ZNF532: variants seen among roughly 807,000 people sequenced by gnomAD.
ZNF532 encodes zinc finger protein 532.
In ZNF532, 22 loss-of-function variants were observed where a neutral mutation model predicts 89.3. The ratio of observed to expected loss-of-function variants is 0.25; its 90% CI spans 0.18 to 0.35. The LOEUF (loss-of-function observed/expected upper bound fraction) is 0.35, where lower values mean the gene tolerates loss of function less well. ZNF532 is among the 10% of genes least tolerant of loss of function. ZNF532 has a pLI of 1.00. For synonymous variants in ZNF532, 606 were observed against 649.6 expected (o/e 0.93, Z 1.02); for missense variants, 1,132 against 1,643.4 (o/e 0.69, Z 5.38).
In ZNF532 at chr18:58,920,622, AC is replaced by A; in HGVS notation, c.2336del (p.Thr779ArgfsTer79). On this transcript the variant is annotated frameshift_variant, in exon 3 of 10. Coordinates refer to ENST00000591808, the MANE Select transcript of ZNF532 (RefSeq NM_001375912.1). LOFTEE classifies it high-confidence loss of function. ...TACACATTTCCAGCAGGCTGCAGAT[AC>A]GAGTGGACAAGTAGAGTATCATTTA... ...LATHFQQAAD[T>X]SGQKTCTICQ... 1 of 1,586,050 alleles carries A rather than the reference AC, an allele frequency of 6.3e-7. No homozygotes were observed. The highest frequency in any genetic ancestry group is 8.6e-7 in the Non-Finnish European group (1 of 1,162,972).
chr18:58,941,456 T>TTC lies in ZNF532; in HGVS notation c.2705+1847_2705+1848dup, dbSNP rs1296122413. Among the ~76,000 whole-genome samples, 712 of 148,092 alleles carry TTC rather than the reference T, an allele frequency of 4.8e-3. 11 individuals carry two copies. The highest frequency in any genetic ancestry group is 0.016 in the African/African-American group (656 of 40,134). On this transcript the variant is annotated intron_variant, in intron 5 of 9. Coordinates refer to ENST00000591808, the MANE Select transcript of ZNF532 (RefSeq NM_001375912.1). ...AAAACAATTATTCCAGTGGTTTCTT[T>TTC]TCTCTCTCTCTCTTTTTTTTTTTTT...
intron 7 of ZNF532, among the ~76,000 whole-genome samples, chr18:58,971,818 T>C (rs1376526306): frequency 2.6e-5 from 4 of 152,248 alleles, no homozygotes; most frequent in Admixed American, 1.3e-4. Context: ...TTTGTGTCTG[T>C]AGTTACTAAG....
intron 7 of ZNF532, among the ~76,000 whole-genome samples, chr18:58,974,700 C>T (rs1251536909): frequency 6.6e-6 from 1 of 152,144 alleles, no homozygotes; most frequent in Non-Finnish European, 1.5e-5. Context: ...TCACCAGGGC[C>T]TCCCTCTCAA....
intron 7 of ZNF532, among the ~76,000 whole-genome samples, chr18:58,975,555 C>G (rs1448798918): frequency 6.6e-6 from 1 of 152,198 alleles, no homozygotes; most frequent in African/African-American, 2.4e-5. Context: ...CCTGCCAAGG[C>G]CGTACCATCC....
intron 2 of ZNF532, among the ~76,000 whole-genome samples, chr18:58,903,749 G>A (rs1173251948): frequency 6.6e-6 from 1 of 152,104 alleles, no homozygotes; most frequent in African/African-American, 2.4e-5. Flanking sequence ...GTACATACCC[G>A]CAAGGCACTT....
At chr18:58,921,170 A>G (rs556785060) in intron 3 of ZNF532, among the ~76,000 whole-genome samples, 41 of 151,990 alleles carry the variant, frequency 2.7e-4, no homozygotes, top group African/African-American at 9.2e-4. Flanking sequence ...AGGATAATAT[A>G]TATATACTAG....
In ZNF532 at chr18:58,919,217, C is replaced by T. The variant is rs775212097; in HGVS notation, c.930C>T (p.Ala310=). 50 of 1,613,976 alleles carry T rather than the reference C, an allele frequency of 3.1e-5. No homozygotes were observed. The highest frequency in any genetic ancestry group is 3.8e-5 in the Non-Finnish European group (45 of 1,179,972). ...AAGAAGTAAATGACAGTCCGAGAGC[C>T]GCTGACAAGTCTCCTGAATCCCAGA... ...LPKEVNDSPR[A]ADKSPESQNL... Residue 310 remains alanine, a synonymous_variant, in exon 3 of 10, where the codon GCC becomes GCT. Transcript: ENST00000591808. This position sits in a 1 kb window ranked among gnomAD's most constrained non-coding sequence, Gnocchi z 6.1.
At chr18:58,910,150 G>A (rs1336377531) in intron 2 of ZNF532, among the ~76,000 whole-genome samples, 1 of 152,106 alleles carries the variant, frequency 6.6e-6, no homozygotes, top group Non-Finnish European at 1.5e-5. Context: ...TTTACTTAAA[G>A]GTCACATCTT....
At chr18:58,891,924 C>T (rs1228352786) in intron 2 of ZNF532, among the ~76,000 whole-genome samples, 1 of 152,172 alleles carries the variant, frequency 6.6e-6, no homozygotes, top group East Asian at 1.9e-4. Context: ...TTCCTTCAGG[C>T]CAAGATCCTT....
rs2068377798 is a variant in ZNF532, at chr18:58,986,251, T to TG, written c.*1786dup. The TG allele has an allele frequency of 6.6e-6, 1 of 152,654 alleles. No homozygotes were observed. Among genetic ancestry groups the TG allele is most frequent in the Non-Finnish European group, 1.5e-5 (1 of 68,046 alleles). 9.5% of individuals were successfully genotyped at this position (152,654 alleles called of 1,614,324 possible). A position where few individuals can be genotyped will look rare whatever the true frequency, so the allele number is the denominator to read the frequency against. Reference sequence around the variant, plus strand: ...TTCATATGTTTCTGCATTTGAACCTTGCAATAAGCCTGTGTGGTAGGCCAC... The same window carrying TG: ...TTCATATGTTTCTGCATTTGAACCTTGGCAATAAGCCTGTGTGGTAGGCCAC... On this transcript the variant is annotated 3_prime_UTR_variant, in exon 10 of 10. Coordinates refer to ENST00000591808, the MANE Select transcript of ZNF532 (RefSeq NM_001375912.1).
rs776843656 is a variant in ZNF532 at position 58,981,505 on chromosome 18, G to A, written c.3299G>A (p.Arg1100His). Residue 1100 changes from arginine (R) to histidine (H), a missense_variant, in exon 9 of 10, where the codon CGT becomes CAT. Arg to His is a conservative substitution (Grantham distance 29). Transcript: ENST00000591808. ...GACTCCAGACGTACCTTTACCAAAC[G>A]TTTGATGCTGGAGAAGCACGTCCAG... ...CPDSRRTFTK[R>H]LMLEKHVQLM... 2 of 1,613,754 alleles carry A rather than the reference G, an allele frequency of 1.2e-6. No homozygotes were observed. Among genetic ancestry groups the A allele is most frequent in the Non-Finnish European group, 8.5e-7 (1 of 1,179,998 alleles).
At position 58,918,355 on chromosome 18, in the gene ZNF532, T is replaced by C; in HGVS notation, c.68T>C (p.Met23Thr). Residue 23 changes from methionine (M) to threonine (T), a missense_variant, in exon 3 of 10, where the codon ATG becomes ACG. Physicochemically the swap from Met to Thr is moderately conservative, Grantham distance 81. Coordinates refer to ENST00000591808, the MANE Select transcript of ZNF532 (RefSeq NM_001375912.1). Reference protein sequence around the residue: ...DLLAAFDIPDMVDPKAAIESG... With the variant: ...DLLAAFDIPDTVDPKAAIESG... Reference sequence around the variant, plus strand: ...CTGGCAGCATTTGACATCCCAGATATGGTCGATCCTAAAGCAGCTATTGAG... The same window carrying C: ...CTGGCAGCATTTGACATCCCAGATACGGTCGATCCTAAAGCAGCTATTGAG... The C allele has an allele frequency of 6.2e-7, 1 of 1,614,172 alleles. No individual in the cohort carries two copies. The highest frequency in any genetic ancestry group is 8.5e-7 in the Non-Finnish European group (1 of 1,180,034).
At chr18:58,880,763 C>CTGTGTGT (rs770638520) in intron 2 of ZNF532, among the ~76,000 whole-genome samples, 43 of 119,684 alleles carry the variant, frequency 3.6e-4, no homozygotes, top group Admixed American at 7.5e-4. Context: ...CGCGCGCGCA[C>CTGTGTGT]GCGCGCGCGT....
At chr18:58,928,416 A>G (rs796346244) in intron 3 of ZNF532, among the ~76,000 whole-genome samples, 5 of 152,338 alleles carry the variant, frequency 3.3e-5, no homozygotes, top group African/African-American at 1.2e-4. Flanking sequence ...GAACTGGTCT[A>G]TGCTCAGTGA....
At chr18:58,882,522 G>A (rs1470534845) in intron 2 of ZNF532, among the ~76,000 whole-genome samples, 2 of 152,168 alleles carry the variant, frequency 1.3e-5, no homozygotes, top group African/African-American at 4.8e-5. Context: ...GCTCATGGCA[G>A]CCTTGAACCT....
At chr18:58,944,350 CT>C (rs1255577432) in intron 5 of ZNF532, among the ~76,000 whole-genome samples, 6 of 151,768 alleles carry the variant, frequency 4.0e-5, no homozygotes, top group African/African-American at 1.2e-4. Context: ...CCCGCTCCCC[CT>C]CTCCTCCTCT....
chr18:58,873,731 C>T (rs937207681), intron 2 of ZNF532, among the ~76,000 whole-genome samples: 2 of 152,152 alleles, frequency 1.3e-5, no homozygotes, highest in African/African-American at 2.4e-5. Context: ...TGCACCTGGC[C>T]AGTTTTGCTG....
intron 7 of ZNF532, 28 bp downstream of exon 7, chr18:58,953,827 G>T: frequency 6.2e-7 from 1 of 1,600,826 alleles, no homozygotes; most frequent in Non-Finnish European, 8.5e-7. Flanking sequence ...GCTGCTCTGG[G>T]TGAGTGCAAG....
Position 58,979,101 on chromosome 18 carries a change from C to T in ZNF532, c.3197C>T (p.Ser1066Leu), listed in dbSNP as rs1010167151. The change falls in exon 8 of 10, where the codon TCG becomes TTG. Residue 1066 changes from serine (S) to leucine (L), a missense_variant. Transcript: ENST00000591808. ...PCRQCDKSFS[S>L]SHSLCRHNRI... Reference sequence around the variant, plus strand: ...CGCCAGTGTGACAAGTCTTTCAGCTCGTCCCACAGCCTGTGCCGGCACAAC... The same window carrying T: ...CGCCAGTGTGACAAGTCTTTCAGCTTGTCCCACAGCCTGTGCCGGCACAAC... 6.2e-7 allele frequency: 1 copy of T among 1,613,334 alleles called. No homozygotes were observed. Among genetic ancestry groups the T allele is most frequent in the Non-Finnish European group, 8.5e-7 (1 of 1,179,320 alleles).
Sources: allele counts gnomAD v4.1 joint callset (sites outside exome capture counted in the v4.1 genomes callset), GRCh38; gene constraint gnomAD v4.1.1; non-coding constraint Gnocchi (gnomAD v3.1); transcripts MANE v1.5; gene names NCBI Gene and HGNC (gene_info 2026-07-23, HGNC 2026-07-21).